The following PTPRG variants were observed in gnomAD, a reference collection of about 807,000 sequenced individuals.
PTPRG encodes protein tyrosine phosphatase receptor type G.
A neutral mutation model predicts 165.3 loss-of-function variants in PTPRG; 102 were observed. That is an observed-to-expected ratio of 0.62 (90% CI 0.53 to 0.73). PTPRG has a LOEUF of 0.73. Ranked by LOEUF, PTPRG falls within the 30% of genes least tolerant of loss-of-function variation. PTPRG has a pLI of 0.00. For synonymous variants in PTPRG, 675 were observed against 669.5 expected, an observed-to-expected ratio of 1.01 and a Z score of -0.13; for missense variants, 1,866 against 1,861.4, an observed-to-expected ratio of 1.00 and a Z score of -0.05.
At chr3:61,814,262 C>CAAATCCCTAACAA (rs1348040178) in intron 2 of PTPRG, among the ~76,000 whole-genome samples, 1 of 152,174 alleles carries the variant, frequency 6.6e-6, no homozygotes, top group Non-Finnish European at 1.5e-5. Context: ...TTTCTAAACT[C>CAAATCCCTAACAA]ACATCCCTAA....
intron 1 of PTPRG, among the ~76,000 whole-genome samples, chr3:61,686,341 A>G (rs995629446): frequency 6.6e-6 from 1 of 152,178 alleles, no homozygotes; most frequent in Non-Finnish European, 1.5e-5. Context: ...TAGCCCTCTG[A>G]TACTTACCAT....
At position 62,294,060 on chromosome 3, in the gene PTPRG, C is replaced by G. The variant is rs1034189066; in HGVS notation, c.*753C>G. 4 of 152,420 alleles carry G rather than the reference C, an allele frequency of 2.6e-5. No individual in the cohort carries two copies. In the Admixed American group the frequency reaches 2.6e-4, roughly 10 times the overall value. The allele number at this position is 152,420 out of a possible 1,614,324, so 9.4% of individuals were successfully genotyped here. On this transcript the variant is annotated 3_prime_UTR_variant, in exon 30 of 30. Coordinates refer to ENST00000474889, the MANE Select transcript of PTPRG (RefSeq NM_002841.4). ...AATGTGTTATTTCCATTTTGACTCT[C>G]TAAAATAGCTACATCCTAAAATCAG...
chr3:61,562,271 G>C lies in PTPRG; in HGVS notation c.-17G>C, dbSNP rs770665270. 2 of 1,611,078 alleles carry C rather than the reference G, an allele frequency of 1.2e-6. No individual in the cohort carries two copies. Among genetic ancestry groups the C allele is most frequent in the African/African-American group, 1.3e-5 (1 of 74,860 alleles). ...TTTACCTCCCTGCTTTCCTCTTTTC[G>C]ATGTGCGTTTTCGGACATGCGGAGG... is the stretch of plus-strand genomic sequence containing the variant. On this transcript the variant is annotated 5_prime_UTR_variant, in exon 1 of 30. Coordinates refer to ENST00000474889, the MANE Select transcript of PTPRG (RefSeq NM_002841.4).
At chr3:61,871,148 G>A (rs556820190) in intron 2 of PTPRG, among the ~76,000 whole-genome samples, 4,384 of 120,894 alleles carry the variant, frequency 0.036, 85 homozygotes, top group Non-Finnish European at 0.043. Context: ...GTGTTGTGTT[G>A]TGTTGTGTTG....
intron 13 of PTPRG, 45 bp from the exon 14 acceptor site, chr3:62,231,180 A>T: frequency 7.1e-7 from 1 of 1,408,788 alleles, no homozygotes; most frequent in Non-Finnish European, 9.4e-7. Flanking sequence ...CCAATTGAAA[A>T]TACTGTATTC....
intron 1 of PTPRG, among the ~76,000 whole-genome samples, chr3:61,680,950 G>A (rs529457502): frequency 5.7e-5 from 4 of 69,830 alleles, no homozygotes; most frequent in Admixed American, 1.5e-4. Context: ...TTTCAAATGC[G>A]GTCATGGCTT....
At chr3:62,266,932 T>C (rs1276139400) in intron 17 of PTPRG, among the ~76,000 whole-genome samples, 1 of 151,412 alleles carries the variant, frequency 6.6e-6, no homozygotes, top group Admixed American at 6.6e-5. Flanking sequence ...GAGATTACTC[T>C]TAACAAAAGC....
chr3:61,729,292 G>A (rs569393537), intron 1 of PTPRG, among the ~76,000 whole-genome samples: 1 of 152,148 alleles, frequency 6.6e-6, no homozygotes, highest in East Asian at 1.9e-4. Flanking sequence ...TTTCAGGATG[G>A]CTTGATACCA....
chr3:61,746,208 ATTTTTTTTTTTTTTTTTTTT>A (rs750697053), intron 1 of PTPRG, among the ~76,000 whole-genome samples: 19 of 81,322 alleles, frequency 2.3e-4, no homozygotes, highest in Non-Finnish European at 3.8e-4. Flanking sequence ...ACACACTCTA[ATTTTTTTTTTTTTTTTTTTT>A]TTTTTTTTGA....
intron 2 of PTPRG, among the ~76,000 whole-genome samples, chr3:61,838,404 C>G (rs1004998945): frequency 1.3e-5 from 2 of 152,066 alleles, no homozygotes; most frequent in African/African-American, 4.8e-5. Context: ...GATTTAGTTT[C>G]AAAATAAGAT....
Position 61,635,922 on chromosome 3 carries a change from T to G in PTPRG, c.85+73550T>G, listed in dbSNP as rs1316298598. 2.0e-5 allele frequency among the ~76,000 whole-genome samples: 3 copies of G among 152,218 alleles called. No homozygotes were observed. The East Asian group carries it at 5.8e-4, about 29-fold the overall frequency. On this transcript the variant is annotated intron_variant, in intron 1 of 29. Transcript: ENST00000474889. ...GAAACACATCTTTTTGATAGTGTGTTTTATTTTCCAAATCCCAAGAATCTG... is the reference window on the plus strand; with the variant it reads ...GAAACACATCTTTTTGATAGTGTGTGTTATTTTCCAAATCCCAAGAATCTG...
chr3:61,698,545 A>T (rs1405115388), intron 1 of PTPRG, among the ~76,000 whole-genome samples: 1 of 152,174 alleles, frequency 6.6e-6, no homozygotes, highest in African/African-American at 2.4e-5. Context: ...ACCAGGCAGG[A>T]TAGATTTGGC....
chr3:61,638,591 G>GTTTTTTTTT lies in PTPRG; in HGVS notation c.85+76238_85+76246dup, dbSNP rs34396141. Among the ~76,000 whole-genome samples, 92 of 58,714 alleles carry GTTTTTTTTT rather than the reference G, an allele frequency of 1.6e-3. 12 individuals are homozygous for GTTTTTTTTT. The highest frequency in any genetic ancestry group is 2.4e-3 in the East Asian group (4 of 1,678). The allele number at this position is 58,714 out of a possible 152,430, so 38.5% of individuals were successfully genotyped here. ...AGGCACACACCACCATGCCTGGCTA[G>GTTTTTTTTT]TTTTTTTTTTTTTTTTTTTTTTTTT... On this transcript the variant is annotated intron_variant, in intron 1 of 29. Coordinates refer to ENST00000474889, the MANE Select transcript of PTPRG (RefSeq NM_002841.4).
chr3:61,613,690 T>A (rs930983787), intron 1 of PTPRG, among the ~76,000 whole-genome samples: 25 of 152,134 alleles, frequency 1.6e-4, no homozygotes, highest in African/African-American at 6.0e-4. Flanking sequence ...TTATATAAAT[T>A]GAAGATGGTG....
intron 2 of PTPRG, among the ~76,000 whole-genome samples, chr3:61,885,672 CTCT>C (rs1559669087): frequency 1.8e-4 from 12 of 68,168 alleles, no homozygotes; most frequent in Admixed American, 2.5e-4. Context: ...CTCTCCTCTC[CTCT>C]CCTCTCCTCT....
Position 61,668,974 on chromosome 3 carries a change from T to A in PTPRG, c.86-79904T>A, listed in dbSNP as rs978139365. On this transcript the variant is annotated intron_variant, in intron 1 of 29. Coordinates refer to ENST00000474889, the MANE Select transcript of PTPRG (RefSeq NM_002841.4). ...GCTAAATCAGTGGTGGCCTACTTTT[T>A]AAAGCTCATTTATTACACTGAACTT... 2.6e-5 allele frequency among the ~76,000 whole-genome samples: 4 copies of A among 152,226 alleles called. No homozygotes were observed. The South Asian group carries it at 6.2e-4, about 24-fold the overall frequency.
intron 1 of PTPRG, among the ~76,000 whole-genome samples, chr3:61,720,412 C>T (rs1205655249): frequency 6.6e-6 from 1 of 152,200 alleles, no homozygotes; most frequent in Non-Finnish European, 1.5e-5. Context: ...GTGTGAGCCA[C>T]CACTCCCGGC....
chr3:62,115,949 C>T (rs1440730727), intron 5 of PTPRG, among the ~76,000 whole-genome samples: 2 of 152,158 alleles, frequency 1.3e-5, no homozygotes, highest in Non-Finnish European at 2.9e-5. Context: ...TTTTAAGCAA[C>T]TTTTTCAATT....
intron 2 of PTPRG, among the ~76,000 whole-genome samples, chr3:61,823,091 A>G (rs1201810242): frequency 1.3e-5 from 2 of 152,140 alleles, no homozygotes; most frequent in Non-Finnish European, 2.9e-5. Flanking sequence ...ATTTTTTACC[A>G]TCTACTCCAT....
Sources: allele counts gnomAD v4.1 joint callset (sites outside exome capture counted in the v4.1 genomes callset), GRCh38; gene constraint gnomAD v4.1.1; transcripts MANE v1.5; gene names NCBI Gene and HGNC (gene_info 2026-07-23, HGNC 2026-07-21).